ANKRD31: variants seen among roughly 807,000 people sequenced by gnomAD.
ANKRD31 encodes ankyrin repeat domain-containing protein 31.
In ANKRD31, 147 loss-of-function variants were observed where a neutral mutation model predicts 186.0. That is an observed-to-expected ratio of 0.79 (90% CI 0.69 to 0.91). The LOEUF is 0.91. ANKRD31 is among the 40% of genes least tolerant of loss of function. The pLI, the probability that ANKRD31 is intolerant of heterozygous loss-of-function variation, is 0.00. For missense variants in ANKRD31, 1,986 were observed against 2,148.8 expected, an observed-to-expected ratio of 0.92 and a Z score of 1.50; for synonymous variants, 673 against 736.4, an observed-to-expected ratio of 0.91 and a Z score of 1.39.
intron 14 of ANKRD31, among the ~76,000 whole-genome samples, chr5:75,144,815 T>C (rs949359012): frequency 3.9e-5 from 6 of 151,950 alleles, no homozygotes; most frequent in Non-Finnish European, 5.9e-5. Context: ...GGCAACCTAC[T>C]GAATGGAAGA....
chr5:75,174,521 C>T (rs1426844387), intron 10 of ANKRD31, among the ~76,000 whole-genome samples: 1 of 152,128 alleles, frequency 6.6e-6, no homozygotes, highest in East Asian at 1.9e-4. Flanking sequence ...CTACAAGGAA[C>T]TTAGATAAAT....
chr5:75,235,055 T>C (rs1352116062), intron 1 of ANKRD31, among the ~76,000 whole-genome samples: 1 of 152,138 alleles, frequency 6.6e-6, no homozygotes, highest in Non-Finnish European at 1.5e-5. Context: ...ATGCTGTTTA[T>C]TGATCTGTCA....
intron 1 of ANKRD31, among the ~76,000 whole-genome samples, chr5:75,230,900 T>C (rs1757909813): frequency 6.6e-6 from 1 of 152,192 alleles, no homozygotes; most frequent in Admixed American, 6.5e-5. Flanking sequence ...AATATCGTTG[T>C]CTCTAGTCTA....
At chr5:75,199,158 T>C (rs1173159201) in intron 6 of ANKRD31, among the ~76,000 whole-genome samples, 2 of 152,130 alleles carry the variant, frequency 1.3e-5, no homozygotes, top group African/African-American at 2.4e-5. Context: ...CAGTGAGTTA[T>C]GATCGCACAA....
At chr5:75,134,548 G>A (rs1187084918) in intron 17 of ANKRD31, among the ~76,000 whole-genome samples, 1 of 152,128 alleles carries the variant, frequency 6.6e-6, no homozygotes, top group African/African-American at 2.4e-5. Flanking sequence ...AAAAAGTCCA[G>A]GACCAGACGG....
At chr5:75,218,590 T>C (rs1757105430) in intron 3 of ANKRD31, among the ~76,000 whole-genome samples, 1 of 152,126 alleles carries the variant, frequency 6.6e-6, no homozygotes, top group Non-Finnish European at 1.5e-5. Flanking sequence ...CCCCAACTCA[T>C]TCTAGGAGGC....
chr5:75,221,146 G>C (rs1757276577), intron 3 of ANKRD31, among the ~76,000 whole-genome samples: 1 of 151,780 alleles, frequency 6.6e-6, no homozygotes, highest in South Asian at 2.1e-4. Context: ...CAGAAGGAGG[G>C]GAAAAACAGA....
At chr5:75,212,458 AAACAACAAC>A (rs1033103821) in intron 3 of ANKRD31, among the ~76,000 whole-genome samples, 2 of 152,046 alleles carry the variant, frequency 1.3e-5, no homozygotes, top group African/African-American at 4.8e-5. Flanking sequence ...ACAAAAACAA[AAACAACAAC>A]AACAACAACA....
intron 12 of ANKRD31, among the ~76,000 whole-genome samples, chr5:75,150,434 TCTTTA>T (rs979292869): frequency 3.9e-4 from 59 of 152,002 alleles, no homozygotes; most frequent in African/African-American, 4.6e-4. Context: ...ATACAAATAT[TCTTTA>T]CTTAAGTAAC....
chr5:75,175,476 G>A (rs1753715184), intron 10 of ANKRD31, among the ~76,000 whole-genome samples: 1 of 152,136 alleles, frequency 6.6e-6, no homozygotes, highest in African/African-American at 2.4e-5. Context: ...AATATTGAAA[G>A]AGGCAAAACT....
rs546226725 is a variant in ANKRD31 at position 75,070,018 on chromosome 5, T to G, written c.5648-1354A>C. Reference sequence around the variant, plus strand: ...TTGAACCCTGAATGAAACCTGAAGATCTGTTCCTGGTCTTTCATGTAAATG... The same window carrying G: ...TTGAACCCTGAATGAAACCTGAAGAGCTGTTCCTGGTCTTTCATGTAAATG... On this transcript the variant is annotated intron_variant, in intron 25 of 25. Coordinates refer to ENST00000506364, the MANE Select transcript of ANKRD31 (RefSeq NM_001372053.1). 5.3e-5 allele frequency among the ~76,000 whole-genome samples: 8 copies of G among 152,290 alleles called. No individual in the cohort carries two copies. In the East Asian group the frequency reaches 5.8e-4, roughly 11 times the overall value.
At chr5:75,199,729 C>A in intron 5 of ANKRD31, 55 bp from the exon 6 acceptor site, 4 of 1,388,572 alleles carry the variant, frequency 2.9e-6, no homozygotes, top group Non-Finnish European at 3.9e-6. Context: ...TAAAAACATA[C>A]CTTCTCAGTT....
intron 1 of ANKRD31, among the ~76,000 whole-genome samples, chr5:75,231,906 A>AACACACACACACAC (rs56755264): frequency 3.7e-4 from 53 of 144,706 alleles, no homozygotes; most frequent in Middle Eastern, 7.0e-3. Context: ...ACTGTCTCAA[A>AACACACACACACAC]ACACACACAC....
rs55831869 is a variant in ANKRD31, at chr5:75,140,286, AAAGGAAGG to A, written c.3596-1311_3596-1304del. Among the ~76,000 whole-genome samples the A allele has an allele frequency of 4.9e-4, 69 of 140,956 alleles. 1 individual carries two copies. In the East Asian group the frequency reaches 5.2e-3, roughly 11 times the overall value. The allele number at this position is 140,956 out of a possible 152,430, so 92.5% of individuals were successfully genotyped here. The stretch of plus-strand genomic sequence containing the variant: ...AGGAAGGAAAGAGAGAGAGAGAAAG[AAAGGAAGG>A]AAGGAAGGAAGGAAGGAAGGAAGGA... On this transcript the variant is annotated intron_variant, in intron 15 of 25. Coordinates refer to ENST00000506364, the MANE Select transcript of ANKRD31 (RefSeq NM_001372053.1).
At chr5:75,077,081 C>A (rs1744705484) in intron 25 of ANKRD31, among the ~76,000 whole-genome samples, 1 of 152,070 alleles carries the variant, frequency 6.6e-6, no homozygotes, top group South Asian at 2.1e-4. Context: ...CTATTTAAAA[C>A]CAAATTAATA....
intron 23 of ANKRD31, among the ~76,000 whole-genome samples, chr5:75,088,324 G>C (rs1745656755): frequency 6.6e-6 from 1 of 152,216 alleles, no homozygotes; most frequent in Admixed American, 6.5e-5. Context: ...GAAATTCAGG[G>C]AGGCATCCGG....
At chr5:75,085,388 T>G (rs1248040918) in intron 23 of ANKRD31, among the ~76,000 whole-genome samples, 2 of 151,906 alleles carry the variant, frequency 1.3e-5, no homozygotes, top group Non-Finnish European at 2.9e-5. Flanking sequence ...TTTTTTTTTT[T>G]GAGAGAGTCT....
At chr5:75,120,231 T>C (rs1163555984) in intron 17 of ANKRD31, among the ~76,000 whole-genome samples, 1 of 151,936 alleles carries the variant, frequency 6.6e-6, no homozygotes, top group Admixed American at 6.6e-5. Flanking sequence ...CTCTTCTCTA[T>C]AAAAAAGTAA....
chr5:75,221,098 C>T (rs1757273937), intron 3 of ANKRD31, among the ~76,000 whole-genome samples: 1 of 152,078 alleles, frequency 6.6e-6, no homozygotes, highest in Non-Finnish European at 1.5e-5. Context: ...CGCATGTTCT[C>T]ACCTACAAGT....
Sources: gnomAD v4.1 joint callset for allele counts (sites outside exome capture counted in the v4.1 genomes callset) on GRCh38, gnomAD v4.1.1 for gene constraint, MANE v1.5 for transcripts, NCBI Gene and HGNC (gene_info 2026-07-23, HGNC 2026-07-21) for gene names.